The following PLCB4 variants were observed in gnomAD, a reference collection of about 807,000 sequenced individuals.
PLCB4 encodes the protein phospholipase C beta 4.
In PLCB4, 77 loss-of-function variants were observed where a neutral mutation model predicts 178.8. The ratio of observed to expected loss-of-function variants is 0.43; its 90% CI spans 0.36 to 0.52. The LOEUF (loss-of-function observed/expected upper bound fraction) is 0.52, where lower values mean the gene tolerates loss of function less well. PLCB4 is among the 20% of genes least tolerant of loss of function. PLCB4 has a pLI of 0.00. For missense variants in PLCB4, 1,024 were observed against 1,453.4 expected (o/e 0.70, Z 4.80); for synonymous variants, 496 against 490.8 (o/e 1.01, Z -0.14).
intron 3 of PLCB4, among the ~76,000 whole-genome samples, chr20:9,292,110 A>G (rs1225615869): frequency 1.3e-5 from 2 of 152,306 alleles, no homozygotes; most frequent in Middle Eastern, 3.4e-3. Flanking sequence ...GCTCCTTTCC[A>G]AAGCACTTTG....
chr20:9,470,076 C>T (rs569438144), intron 36 of PLCB4, among the ~76,000 whole-genome samples: 267 of 152,280 alleles, frequency 1.8e-3, no homozygotes, highest in African/African-American at 5.9e-3. Flanking sequence ...CACCTGTAAT[C>T]CCAGCACTTT....
intron 28 of PLCB4, among the ~76,000 whole-genome samples, chr20:9,432,449 C>T (rs1222126190): frequency 6.6e-6 from 1 of 152,196 alleles, no homozygotes; most frequent in Admixed American, 6.5e-5. Flanking sequence ...CCACCCAGTC[C>T]TGTGTGTTAT....
chr20:9,076,975 T>C lies in PLCB4; in HGVS notation c.-135+7769T>C, dbSNP rs577906017. Among the ~76,000 whole-genome samples, 5 of 152,228 alleles carry C rather than the reference T, an allele frequency of 3.3e-5. No individual in the cohort carries two copies. In the South Asian group the frequency reaches 8.3e-4, roughly 25 times the overall value. On this transcript the variant is annotated intron_variant, in intron 1 of 39. Coordinates refer to ENST00000378473, the MANE Select transcript of PLCB4 (RefSeq NM_001377142.1). ...CCAGATACAGTCATTGGCAATAGTTTAGAATGCCTCTTTCCCTCCTTTTTT... is the reference window on the plus strand; with the variant it reads ...CCAGATACAGTCATTGGCAATAGTTCAGAATGCCTCTTTCCCTCCTTTTTT...
At chr20:9,365,752 A>T (rs1473912305) in intron 9 of PLCB4, among the ~76,000 whole-genome samples, 3 of 152,248 alleles carry the variant, frequency 2.0e-5, no homozygotes, top group Non-Finnish European at 4.4e-5. Flanking sequence ...AATTTAAAGA[A>T]CATCAGAAAA....
intron 2 of PLCB4, among the ~76,000 whole-genome samples, chr20:9,131,290 T>G (rs1412956956): frequency 6.6e-6 from 1 of 152,124 alleles, no homozygotes; most frequent in Non-Finnish European, 1.5e-5. Context: ...CTTCTTTCCT[T>G]CCTTCCTTGC....
At chr20:9,331,450 C>G (rs371568674) in intron 4 of PLCB4, among the ~76,000 whole-genome samples, 1 of 152,024 alleles carries the variant, frequency 6.6e-6, no homozygotes, top group Non-Finnish European at 1.5e-5. Context: ...GAAGTGATGG[C>G]GAGAGAGAGG....
chr20:9,235,464 G>C (rs927675023), intron 3 of PLCB4, among the ~76,000 whole-genome samples: 5 of 152,148 alleles, frequency 3.3e-5, no homozygotes, highest in African/African-American at 4.8e-5. Flanking sequence ...GACTGTAGTT[G>C]ATGTAAACTG....
chr20:9,075,940 C>T (rs6077480), intron 1 of PLCB4, among the ~76,000 whole-genome samples: 1 of 151,986 alleles, frequency 6.6e-6, no homozygotes, highest in African/African-American at 2.4e-5. Context: ...TTGGAAACAC[C>T]GTGTACTAGA....
intron 3 of PLCB4, among the ~76,000 whole-genome samples, chr20:9,291,422 G>A (rs1045347675): frequency 2.0e-5 from 3 of 152,140 alleles, no homozygotes; most frequent in Non-Finnish European, 4.4e-5. Context: ...AACCTGAGGA[G>A]GAGGGGCCTG....
intron 15 of PLCB4, among the ~76,000 whole-genome samples, chr20:9,389,642 C>T (rs964612622): frequency 1.1e-4 from 16 of 152,154 alleles, no homozygotes; most frequent in Non-Finnish European, 1.5e-5. Flanking sequence ...AAGTTAATAG[C>T]ACCATAATTC....
intron 3 of PLCB4, among the ~76,000 whole-genome samples, chr20:9,239,605 C>G (rs4816128): frequency 0.52 from 78,899 of 151,962 alleles, 23,305 homozygotes; most frequent in African/African-American, 0.81. Flanking sequence ...ACGCTATCAT[C>G]GTATGTATTA....
chr20:9,374,787 G>A (rs1456784943), intron 12 of PLCB4, among the ~76,000 whole-genome samples: 1 of 152,116 alleles, frequency 6.6e-6, no homozygotes, highest in Non-Finnish European at 1.5e-5. Flanking sequence ...AGTCACTCCT[G>A]TAATTCTTAG....
At chr20:9,248,509 A>G (rs1209500310) in intron 3 of PLCB4, among the ~76,000 whole-genome samples, 1 of 152,204 alleles carries the variant, frequency 6.6e-6, no homozygotes, top group Non-Finnish European at 1.5e-5. Context: ...TAGTGTTTTG[A>G]TTATTAATTT....
intron 3 of PLCB4, among the ~76,000 whole-genome samples, chr20:9,274,041 A>G (rs1290007543): frequency 6.6e-6 from 1 of 152,104 alleles, no homozygotes; most frequent in South Asian, 2.1e-4. Flanking sequence ...AGTAGAATCC[A>G]GCAGGACTTC....
intron 28 of PLCB4, among the ~76,000 whole-genome samples, chr20:9,425,302 C>G (rs780001443): frequency 6.6e-6 from 1 of 152,240 alleles, no homozygotes; most frequent in Non-Finnish European, 1.5e-5. Flanking sequence ...GCTTAGAAAG[C>G]AGGAACTGTG....
At chr20:9,112,223 G>A (rs1261283196) in intron 2 of PLCB4, among the ~76,000 whole-genome samples, 2 of 149,308 alleles carry the variant, frequency 1.3e-5, no homozygotes, top group African/African-American at 4.9e-5. Flanking sequence ...GTTTAGATAC[G>A]TTTTGGAGAC....
At chr20:9,220,586 G>A (rs554957684) in intron 3 of PLCB4, among the ~76,000 whole-genome samples, 21 of 152,198 alleles carry the variant, frequency 1.4e-4, no homozygotes, top group Non-Finnish European at 2.6e-4. Flanking sequence ...GCAGTGAGCC[G>A]AGACTGAGCC....
chr20:9,379,632 T>C (rs1278031215), intron 12 of PLCB4, among the ~76,000 whole-genome samples: 1 of 152,124 alleles, frequency 6.6e-6, no homozygotes, highest in Non-Finnish European at 1.5e-5. Flanking sequence ...TTTTGAGGGG[T>C]GCACTTAAAT....
intron 3 of PLCB4, among the ~76,000 whole-genome samples, chr20:9,246,588 A>G (rs1452390360): frequency 6.6e-6 from 1 of 151,650 alleles, no homozygotes; most frequent in Admixed American, 6.6e-5. Context: ...AGGCTTTGGC[A>G]TCTTGAGGAC....
Sources: allele counts gnomAD v4.1 joint callset (sites outside exome capture counted in the v4.1 genomes callset), GRCh38; gene constraint gnomAD v4.1.1; transcripts MANE v1.5; gene names NCBI Gene and HGNC (gene_info 2026-07-23, HGNC 2026-07-21).